The following SMAD7 variants were observed in gnomAD, a reference collection of about 807,000 sequenced individuals.
SMAD7 encodes SMAD family member 7.
SMAD7 carries 8 observed loss-of-function variants against 38.7 expected under a neutral mutation model. The ratio of observed to expected loss-of-function variants is 0.21; its 90% CI spans 0.12 to 0.37. SMAD7 has a LOEUF of 0.37. SMAD7 is among the 10% of genes least tolerant of loss of function. The pLI is 1.00. For synonymous variants in SMAD7, 327 were observed against 265.1 expected (o/e 1.23, Z -2.27); for missense variants, 477 against 577.9 (o/e 0.83, Z 1.79).
chr18:48,940,847 G>C (rs2070130510), intron 3 of SMAD7, among the ~76,000 whole-genome samples: 1 of 151,964 alleles, frequency 6.6e-6, no homozygotes, highest in Non-Finnish European at 1.5e-5. Context: ...ATCTCCTGAG[G>C]GCTTCACAGG....
chr18:48,920,134 T>C lies in SMAD7; in HGVS notation c.*1238A>G, dbSNP rs1288094573. The C allele has an allele frequency of 6.6e-6, 1 of 152,530 alleles. No individual in the cohort carries two copies. The highest frequency in any genetic ancestry group is 1.5e-5 in the Non-Finnish European group (1 of 68,014). The allele number at this position is 152,530 out of a possible 1,614,324, so 9.4% of individuals were successfully genotyped here. ...ACATAAAATACATTTTTTTCTTTAATAAATCTCAGGTTTTTTTTCAGGAGT... is the reference window on the plus strand; with the variant it reads ...ACATAAAATACATTTTTTTCTTTAACAAATCTCAGGTTTTTTTTCAGGAGT... On this transcript the variant is annotated 3_prime_UTR_variant, in exon 4 of 4. Coordinates refer to ENST00000262158, the MANE Select transcript of SMAD7 (RefSeq NM_005904.4).
Position 48,921,141 on chromosome 18 carries a change from C to T in SMAD7, c.*231G>A. 3 of 541,754 alleles carry T rather than the reference C, an allele frequency of 5.5e-6. No individual in the cohort carries two copies. The highest frequency in any genetic ancestry group is 4.6e-5 in the South Asian group (2 of 43,532). 33.6% of individuals were successfully genotyped at this position (541,754 alleles called of 1,614,324 possible). On this transcript the variant is annotated 3_prime_UTR_variant, in exon 4 of 4. Coordinates refer to ENST00000262158, the MANE Select transcript of SMAD7 (RefSeq NM_005904.4). This position sits in a 1 kb window ranked among gnomAD's most constrained non-coding sequence, Gnocchi z 6.4. ...TATCAGGGTGTCCTGCCGATCATAC[C>T]TGCCCCTTCTTCCAAAAAAACCCCC...
At chr18:48,942,606 C>G (rs1435671370) in intron 2 of SMAD7, 51 bp from the exon 3 acceptor site, 1 of 1,612,566 alleles carries the variant, frequency 6.2e-7, no homozygotes, top group African/African-American at 1.3e-5. Flanking sequence ...AATAAAAACA[C>G]CAAGATCCAT....
intron 3 of SMAD7, among the ~76,000 whole-genome samples, chr18:48,930,462 G>A (rs1379653616): frequency 6.6e-6 from 1 of 152,186 alleles, no homozygotes; most frequent in Admixed American, 6.5e-5. Context: ...ACAAGGCCCT[G>A]GAGTCCAACA....
At position 48,932,765 on chromosome 18, in the gene SMAD7, G is replaced by A. The variant is rs949451664; in HGVS notation, c.742+9716C>T. Among the ~76,000 whole-genome samples, 15 of 152,244 alleles carry A rather than the reference G, an allele frequency of 9.9e-5. No homozygotes were observed. In the South Asian group the frequency reaches 2.1e-3, roughly 21 times the overall value. On this transcript the variant is annotated intron_variant, in intron 3 of 3. Coordinates refer to ENST00000262158, the MANE Select transcript of SMAD7 (RefSeq NM_005904.4). The stretch of plus-strand genomic sequence containing the variant: ...ACACAGGGCTGACACCTCAGAAACG[G>A]GCTTAACCCTCAGATTTAAAATTAA...
intron 3 of SMAD7, among the ~76,000 whole-genome samples, chr18:48,927,968 G>A (rs371529903): frequency 6.6e-6 from 1 of 152,210 alleles, no homozygotes; most frequent in Non-Finnish European, 1.5e-5. Context: ...ATATTGCCTG[G>A]TGTGAGCTGT....
intron 2 of SMAD7, among the ~76,000 whole-genome samples, chr18:48,943,692 A>G (rs1374857957): frequency 1.3e-5 from 2 of 152,206 alleles, no homozygotes; most frequent in African/African-American, 2.4e-5. Flanking sequence ...CACCAGGACA[A>G]TGTCCCTGTG....
chr18:48,943,955 G>A (rs2070169712), intron 2 of SMAD7, among the ~76,000 whole-genome samples: 5 of 152,180 alleles, frequency 3.3e-5, no homozygotes, highest in Admixed American at 3.3e-4. Flanking sequence ...CAGAAGTGGA[G>A]GCAGGCGTGG....
intron 3 of SMAD7, among the ~76,000 whole-genome samples, chr18:48,939,311 G>A (rs1599231079): frequency 1.3e-5 from 2 of 152,164 alleles, no homozygotes; most frequent in South Asian, 2.1e-4. Context: ...CCAGACCGAG[G>A]AAACTTGCAA....
At chr18:48,947,190 A>G (rs748711190) in intron 2 of SMAD7, among the ~76,000 whole-genome samples, 2 of 152,228 alleles carry the variant, frequency 1.3e-5, no homozygotes, top group Non-Finnish European at 2.9e-5. Context: ...AAAGCAAAAT[A>G]TCACATGCTT....
In SMAD7 at chr18:48,942,353, T is replaced by C. The variant is rs2070150160; in HGVS notation, c.742+128A>G. On this transcript the variant is annotated intron_variant, in intron 3 of 3. Coordinates refer to ENST00000262158, the MANE Select transcript of SMAD7 (RefSeq NM_005904.4). Reference sequence around the variant, plus strand: ...AATGTCACCACCGATGCATCCAACTTAAGGCATATAAAAATGAGAATGAAG... The same window carrying C: ...AATGTCACCACCGATGCATCCAACTCAAGGCATATAAAAATGAGAATGAAG... The C allele has an allele frequency of 5.9e-6, 4 of 677,310 alleles. No individual in the cohort carries two copies. The South Asian group carries it at 7.5e-5, about 13-fold the overall frequency. 42.0% of individuals were successfully genotyped at this position (677,310 alleles called of 1,614,324 possible).
intron 3 of SMAD7, among the ~76,000 whole-genome samples, chr18:48,928,507 C>T (rs2069955356): frequency 6.6e-6 from 1 of 151,802 alleles, no homozygotes; most frequent in Non-Finnish European, 1.5e-5. Context: ...TACTATTCAT[C>T]ACCCTCAAGA....
chr18:48,935,918 G>GA (rs574716719), intron 3 of SMAD7, among the ~76,000 whole-genome samples: 144 of 151,872 alleles, frequency 9.5e-4, no homozygotes, highest in African/African-American at 3.1e-3. Flanking sequence ...CTTTCTACTA[G>GA]AAAAAAATTA....
intron 3 of SMAD7, among the ~76,000 whole-genome samples, chr18:48,927,745 A>G (rs911517640): frequency 3.3e-5 from 5 of 152,096 alleles, no homozygotes; most frequent in African/African-American, 1.2e-4. Context: ...AGTCTTCCTG[A>G]TTGTCTCCAC....
chr18:48,944,611 A>G (rs2070176500), intron 2 of SMAD7, among the ~76,000 whole-genome samples: 1 of 152,218 alleles, frequency 6.6e-6, no homozygotes, highest in African/African-American at 2.4e-5. Context: ...CCAAGAGTCC[A>G]GCCCTATCCC....
chr18:48,923,791 G>A (rs1467869666), intron 3 of SMAD7, among the ~76,000 whole-genome samples: 1 of 152,204 alleles, frequency 6.6e-6, no homozygotes, highest in Non-Finnish European at 1.5e-5. Context: ...GTGCAAGACT[G>A]TGTCCATGAT....
intron 3 of SMAD7, among the ~76,000 whole-genome samples, chr18:48,931,835 A>G (rs968940493): frequency 8.5e-5 from 13 of 152,228 alleles, no homozygotes; most frequent in African/African-American, 3.1e-4. Context: ...TAGTGACAGG[A>G]AAGTGGAGGA....
intron 3 of SMAD7, among the ~76,000 whole-genome samples, chr18:48,931,232 TG>T (rs1219579334): frequency 6.6e-6 from 1 of 152,222 alleles, no homozygotes; most frequent in South Asian, 2.1e-4. Context: ...GTTCTGGATG[TG>T]GACGGTGGGG....
At chr18:48,933,983 G>C (rs946133489) in intron 3 of SMAD7, among the ~76,000 whole-genome samples, 1 of 152,210 alleles carries the variant, frequency 6.6e-6, no homozygotes, top group African/African-American at 2.4e-5. Flanking sequence ...CTTTCTTTCT[G>C]GTCTCTGTCC....
Sources: allele counts gnomAD v4.1 joint callset (sites outside exome capture counted in the v4.1 genomes callset), GRCh38; gene constraint gnomAD v4.1.1; non-coding constraint Gnocchi (gnomAD v3.1); transcripts MANE v1.5; gene names NCBI Gene and HGNC (gene_info 2026-07-23, HGNC 2026-07-21).